The following OSCAR variants were observed in gnomAD, a reference collection of about 807,000 sequenced individuals.
The protein encoded by OSCAR is osteoclast-associated immunoglobulin-like receptor.
In OSCAR, 25 loss-of-function variants were observed where a neutral mutation model predicts 27.3. The observed-to-expected ratio is 0.92, with a 90% CI of 0.67 to 1.28. The LOEUF (loss-of-function observed/expected upper bound fraction) is 1.28. Among genes scored for constraint, OSCAR ranks in the 50% most tolerant of loss-of-function variants. The pLI is 0.00. For missense variants in OSCAR, 354 were observed against 355.1 expected, an observed-to-expected ratio of 1.00 and a Z score of 0.03; for synonymous variants, 158 against 165.7, an observed-to-expected ratio of 0.95 and a Z score of 0.36.
intron 3 of OSCAR, 147 bp from the exon 4 acceptor site, chr19:54,096,300 G>C (rs926928177): frequency 2.1e-5 from 16 of 761,540 alleles, no homozygotes; most frequent in South Asian, 9.9e-5. Context: ...CTCTCTCTCT[G>C]TCTGCCTCTC....
In OSCAR at chr19:54,099,813, C is replaced by CTT. The variant is rs68058053; in HGVS notation, c.38-35_38-34dup. The CTT allele has an allele frequency of 2.7e-3, 3,854 of 1,423,914 alleles. 45 individuals carry two copies. In the African/African-American group the frequency reaches 0.043, roughly 16 times the overall value. 88.2% of individuals were successfully genotyped at this position (1,423,914 alleles called of 1,614,324 possible). A position where few individuals can be genotyped will look rare whatever the true frequency, so the allele number is the denominator to read the frequency against. The stretch of plus-strand genomic sequence containing the variant: ...AGGTTGAGGGACTAGTTTCTTTTTC[C>CTT]TTTTTTTTTTTTTGTCTGAGGCAGA... On this transcript the variant is annotated intron_variant, in intron 1 of 4. Coordinates refer to ENST00000358375, the MANE Select transcript of OSCAR (RefSeq NM_133169.6).
chr19:54,099,695 A>G (rs587707462), intron 2 of OSCAR, 53 bp downstream of exon 2: 2 of 1,613,790 alleles, frequency 1.2e-6, no homozygotes, highest in Non-Finnish European at 1.7e-6. Flanking sequence ...AATCTGAGTA[A>G]TTGGAAAAGG....
At chr19:54,098,287 G>A (rs2072856312) in intron 2 of OSCAR, among the ~76,000 whole-genome samples, 1 of 152,102 alleles carries the variant, frequency 6.6e-6, no homozygotes, top group African/African-American at 2.4e-5. Context: ...GAAGGCTGTT[G>A]GGTCCGGTGG....
chr19:54,095,748 A>G, intron 4 of OSCAR, 124 bp downstream of exon 4: 1 of 1,425,482 alleles, frequency 7.0e-7, no homozygotes. Flanking sequence ...GAGGGGCTGC[A>G]GGACTAGACC....
chr19:54,096,693 C>T (rs2072746225), intron 3 of OSCAR, among the ~76,000 whole-genome samples, 169 bp downstream of exon 3: 1 of 148,192 alleles, frequency 6.7e-6, no homozygotes, highest in African/African-American at 2.5e-5. Context: ...CTCTCTCTCT[C>T]TCTGCTCCCC....
intron 2 of OSCAR, 60 bp downstream of exon 2, chr19:54,099,686 ATC>A (rs1463301255): frequency 2.5e-6 from 4 of 1,613,780 alleles, no homozygotes; most frequent in Non-Finnish European, 3.4e-6. Flanking sequence ...CCAAAATAAA[ATC>A]TGAGTAATTG....
rs1291530996 is a variant in OSCAR, at chr19:54,095,047, T to G, written c.*174A>C. On this transcript the variant is annotated 3_prime_UTR_variant, in exon 5 of 5. Coordinates refer to ENST00000358375, the MANE Select transcript of OSCAR (RefSeq NM_133169.6). ...CTAATCGCGTCTTCCTTTCAGCTAC[T>G]CCTTGGGAAAGGCCTGGAAAGAAGC... is the stretch of plus-strand genomic sequence containing the variant. 1 of 1,112,194 alleles carries G rather than the reference T, an allele frequency of 9.0e-7. No homozygotes were observed. The highest frequency in any genetic ancestry group is 3.4e-5 in the Admixed American group (1 of 29,722). The allele number at this position is 1,112,194 out of a possible 1,614,324, so 68.9% of individuals were successfully genotyped here.
At chr19:54,097,750 C>T (rs1199752566) in intron 2 of OSCAR, among the ~76,000 whole-genome samples, 1 of 106,424 alleles carries the variant, frequency 9.4e-6, no homozygotes, top group Admixed American at 1.1e-4. Flanking sequence ...CATGCCACTA[C>T]ACCAGGCTAA....
Position 54,099,728 on chromosome 19 carries a change from T to A in OSCAR, c.70+20A>T. 6.2e-7 allele frequency: 1 copy of A among 1,612,196 alleles called. No individual in the cohort carries two copies. The highest frequency in any genetic ancestry group is 1.3e-5 in the African/African-American group (1 of 74,412). On this transcript the variant is annotated intron_variant, in intron 2 of 4. Coordinates refer to ENST00000358375, the MANE Select transcript of OSCAR (RefSeq NM_133169.6). ...AGGGGTGTCAGCAACAAAAGGAGAG[T>A]GGATGGGGTGGCTACTCACCAGACG...
At chr19:54,096,721 C>T in intron 3 of OSCAR, 141 bp downstream of exon 3, 4 of 900,712 alleles carry the variant, frequency 4.4e-6, no homozygotes, top group Non-Finnish European at 6.6e-6. Flanking sequence ...CTCTCTCCCC[C>T]TAGTGTCTCT....
rs1194483375 is a variant in OSCAR at position 54,095,025 on chromosome 19, A to C, written c.*196T>G. 1.1e-6 allele frequency: 1 copy of C among 888,390 alleles called. No individual in the cohort carries two copies. Among genetic ancestry groups the C allele is most frequent in the East Asian group, 3.1e-5 (1 of 32,666 alleles). The allele number at this position is 888,390 out of a possible 1,614,324, so 55.0% of individuals were successfully genotyped here. On this transcript the variant is annotated 3_prime_UTR_variant, in exon 5 of 5. Coordinates refer to ENST00000358375, the MANE Select transcript of OSCAR (RefSeq NM_133169.6). ...TCTGGCTTGGAAGTCTTAACCACTA[A>C]TCGCGTCTTCCTTTCAGCTACTCCT...
rs762031847 is a variant in OSCAR, at chr19:54,095,878, A to C, written c.649T>G (p.Trp217Gly). 5 of 1,557,938 alleles carry C rather than the reference A, an allele frequency of 3.2e-6. No homozygotes were observed. The highest frequency in any genetic ancestry group is 1.7e-4 in the Middle Eastern group (1 of 5,984). Reference protein sequence around the residue: ...SQRSEVLVISWEDSGSSDYTR... With the variant: ...SQRSEVLVISGEDSGSSDYTR... ...CGGGCCTCAGGGCCCTCACCTTCCC[A>C]GCTGATGACCAGCACCTCGCTGCGC... is the stretch of plus-strand genomic sequence containing the variant. Residue 217 changes from tryptophan to glycine, a missense_variant, in exon 4 of 5, where the codon TGG becomes GGG. Physicochemically the swap from Trp to Gly is radical, Grantham distance 184. Transcript: ENST00000358375.
chr19:54,096,367 CCTCTCTCTCTGCCTCCCT>C (rs2072706922), intron 3 of OSCAR, among the ~76,000 whole-genome samples: 1 of 118,874 alleles, frequency 8.4e-6, no homozygotes, highest in East Asian at 2.6e-4. Context: ...TCTCTGCCTC[CCTCTCTCTCTGCCTCCCT>C]CTCTCTCTGC....
intron 1 of OSCAR, 65 bp from the exon 2 acceptor site, chr19:54,099,845 C>T (rs2072955526): frequency 1.3e-6 from 2 of 1,539,462 alleles, no homozygotes; most frequent in Non-Finnish European, 8.8e-7. Flanking sequence ...CAGAGTCTCA[C>T]TCTGTCGCCC....
intron 2 of OSCAR, among the ~76,000 whole-genome samples, chr19:54,099,229 A>ATTTTTTTTTTTTTTTTTTTTTTT (rs1228940404): frequency 3.8e-4 from 31 of 82,416 alleles, no homozygotes; most frequent in African/African-American, 1.2e-3. Flanking sequence ...CACCCGGCTA[A>ATTTTTTTTTTTTTTTTTTTTTTT]TTTTTTTTTT....
Position 54,094,873 on chromosome 19 carries a change from A to C in OSCAR, c.*348T>G, listed in dbSNP as rs1228100511. 1.2e-5 allele frequency: 3 copies of C among 250,538 alleles called. No homozygotes were observed. The highest frequency in any genetic ancestry group is 2.3e-5 in the Non-Finnish European group (3 of 131,572). 15.5% of individuals were successfully genotyped at this position (250,538 alleles called of 1,614,324 possible). A position where few individuals can be genotyped will look rare whatever the true frequency, so the allele number is the denominator to read the frequency against. On this transcript the variant is annotated 3_prime_UTR_variant, in exon 5 of 5. Transcript: ENST00000358375. ...CCATTTTACAATCCTCTTGTAAGAC[A>C]GAAAAGTTCTCCAGGTCCCCATTCA...
chr19:54,099,474 C>A, intron 2 of OSCAR: 2 of 1,047,412 alleles, frequency 1.9e-6, no homozygotes, highest in South Asian at 2.5e-5. Flanking sequence ...GAAATGGAGT[C>A]TTAGCAAGCT....
chr19:54,097,134 C>G lies in OSCAR; in HGVS notation c.101G>C (p.Trp34Ser), dbSNP rs1254589800. 4 of 1,614,042 alleles carry G rather than the reference C, an allele frequency of 2.5e-6. No homozygotes were observed. The highest frequency in any genetic ancestry group is 3.4e-6 in the Non-Finnish European group (4 of 1,180,028). ...VPPASYHPKP[W>S]LGAQPATVVT... ...AACTGTAGCCGGCTGAGCTCCCAGCCATGGCTTAGGGTGGTATGAAGCTGG... is the reference window on the plus strand; with the variant it reads ...AACTGTAGCCGGCTGAGCTCCCAGCGATGGCTTAGGGTGGTATGAAGCTGG... The change falls in exon 3 of 5, where the codon TGG becomes TCG. Residue 34 changes from tryptophan to serine, a missense_variant. By Grantham distance (177) the Trp-to-Ser change is radical. Transcript: ENST00000358375.
rs1388213153 is a variant in OSCAR at position 54,099,761 on chromosome 19, G to A, written c.57C>T (p.Asp19=). The A allele has an allele frequency of 6.2e-7, 1 of 1,613,564 alleles. No homozygotes were observed. Among genetic ancestry groups the A allele is most frequent in the Non-Finnish European group, 8.5e-7 (1 of 1,179,816 alleles). The change falls in exon 2 of 5, where the codon GAC becomes GAT. Residue 19 remains aspartate (D), a synonymous_variant. Transcript: ENST00000358375. Reference sequence around the variant, plus strand: ...GTGGCTACTCACCAGACGGAGTGATGTCTGTGTGACACAGAGGCCCTGTAG... The same window carrying A: ...GTGGCTACTCACCAGACGGAGTGATATCTGTGTGACACAGAGGCCCTGTAG... The part of the protein sequence containing the change: ...LLTLWPLCHT[D]ITPSVPPASY...
Sources: gnomAD v4.1 joint callset for allele counts (sites outside exome capture counted in the v4.1 genomes callset) on GRCh38, gnomAD v4.1.1 for gene constraint, MANE v1.5 for transcripts, NCBI Gene and HGNC (gene_info 2026-07-23, HGNC 2026-07-21) for gene names.